Variants in ZNF469 observed in about 807,000 individuals in gnomAD.
ZNF469 encodes the protein zinc finger protein 469.
Under a neutral mutation model 1.0 loss-of-function variants are expected in ZNF469, and 1 was observed. That is an observed-to-expected ratio of 1.00 (90% confidence interval 0.35 to 4.73). ZNF469 has a LOEUF of 4.73. Ranked by LOEUF, ZNF469 falls within the 30% of genes most tolerant of loss-of-function variation. ZNF469 has a pLI of 0.16. For synonymous variants in ZNF469, 2,703 were observed against 2,363.4 expected, an observed-to-expected ratio of 1.14 and a Z score of -4.17; for missense variants, 6,100 against 5,356.3, an observed-to-expected ratio of 1.14 and a Z score of -4.33.
chr16:88,360,532 A>G, the ZNF469 span, among the ~76,000 whole-genome samples: 26 of 79,968 alleles, frequency 3.3e-4, no homozygotes, highest in South Asian at 5.3e-4. Context: ...CAGCGCCTGC[A>G]TGCTCCCTCA....
the ZNF469 span, among the ~76,000 whole-genome samples, chr16:88,189,917 G>A: frequency 7.2e-5 from 11 of 152,206 alleles, no homozygotes; most frequent in African/African-American, 9.6e-5. The surrounding 1 kb of genome is among the most constrained non-coding windows in gnomAD (Gnocchi z 4.3). Context: ...GGACTGTGTC[G>A]GAAAGAAAAG....
At position 88,431,309 on chromosome 16, in the gene ZNF469, C is replaced by T. The variant is rs2142304889; in HGVS notation, c.3839C>T (p.Pro1280Leu). The T allele has an allele frequency of 6.5e-7, 1 of 1,549,978 alleles. No homozygotes were observed. Among genetic ancestry groups the T allele is most frequent in the Non-Finnish European group, 8.7e-7 (1 of 1,146,782 alleles). ...PSRHDTGTPK[P>L]SGSLANTAPH... is the part of the protein sequence containing the mutation. The stretch of plus-strand genomic sequence containing the variant: ...AGACATGACACCGGCACCCCCAAGC[C>T]GTCGGGAAGCCTCGCCAACACGGCG... The change falls in exon 3 of 3, where the codon CCG (proline) becomes CTG (leucine). Residue 1280 changes from proline (P) to leucine (L), a missense_variant. Transcript: ENST00000565624.
At chr16:88,317,578 C>T in the ZNF469 span, among the ~76,000 whole-genome samples, 2 of 152,314 alleles carry the variant, frequency 1.3e-5, no homozygotes, top group East Asian at 1.9e-4. Flanking sequence ...CTCCATCGTG[C>T]TGAGGCTTGG....
the ZNF469 span, among the ~76,000 whole-genome samples, chr16:88,260,151 T>G: frequency 3.3e-5 from 5 of 151,766 alleles, no homozygotes; most frequent in African/African-American, 4.8e-5. This position sits in a 1 kb window ranked among gnomAD's most constrained non-coding sequence, Gnocchi z 4.1. Context: ...CTAGTGTTTT[T>G]TTTTTTTTTT....
At chr16:88,239,701 ATATATATATATATATTTTTTTTTTTTTTT>A in the ZNF469 span, among the ~76,000 whole-genome samples, 367 of 8,654 alleles carry the variant, frequency 0.042, 27 homozygotes, top group Non-Finnish European at 0.051. Context: ...ATATATATAT[ATATATATATATATATTTTTTTTTTTTTTT>A]TTTTTTTTTT....
the ZNF469 span, among the ~76,000 whole-genome samples, chr16:88,105,263 G>C: frequency 5.9e-5 from 9 of 151,446 alleles, no homozygotes; most frequent in Non-Finnish European, 1.3e-4. Flanking sequence ...CACTATAAAG[G>C]CCTCTATAAC....
the ZNF469 span, among the ~76,000 whole-genome samples, chr16:88,200,062 C>G: frequency 6.6e-6 from 1 of 152,146 alleles, no homozygotes; most frequent in Non-Finnish European, 1.5e-5. Context: ...GTCAAACAGG[C>G]GAGGGCTGGG....
the ZNF469 span, among the ~76,000 whole-genome samples, chr16:88,325,484 A>G: frequency 6.6e-6 from 1 of 152,370 alleles, no homozygotes; most frequent in African/African-American, 2.4e-5. Context: ...CGGAGGACAC[A>G]GGTCAGTGAT....
rs1411776696 is a variant in ZNF469 at position 88,429,712 on chromosome 16, G to A, written c.2242G>A (p.Ala748Thr). 5 of 1,542,934 alleles carry A rather than the reference G, an allele frequency of 3.2e-6. No homozygotes were observed. The highest frequency in any genetic ancestry group is 2.7e-5 in the African/African-American group (2 of 72,896). Residue 748 changes from alanine (A) to threonine (T), a missense_variant, in exon 3 of 3, where the codon GCC (alanine) becomes ACC (threonine). By Grantham distance (58) the Ala-to-Thr change is moderately conservative. Coordinates refer to ENST00000565624, the MANE Select transcript of ZNF469 (RefSeq NM_001367624.2). ...RNYSSLAAFL[A>T]HRQFCGLLLA... ...CTACAGCAGCCTGGCGGCCTTCCTGGCCCACCGGCAGTTCTGTGGCCTGCT... is the reference window on the plus strand; with the variant it reads ...CTACAGCAGCCTGGCGGCCTTCCTGACCCACCGGCAGTTCTGTGGCCTGCT...
the ZNF469 span, among the ~76,000 whole-genome samples, chr16:88,323,225 G>A: frequency 9.9e-5 from 15 of 152,136 alleles, no homozygotes; most frequent in South Asian, 6.2e-4. Context: ...GCAGAGCTCC[G>A]AGGAGGGGCC....
intron 1 of ZNF469, among the ~76,000 whole-genome samples, chr16:88,399,274 A>C (rs554797053): frequency 8.5e-5 from 13 of 152,302 alleles, no homozygotes; most frequent in African/African-American, 3.1e-4. Context: ...GACTCATATG[A>C]CATCTGCCGC....
At chr16:88,160,982 TA>T in the ZNF469 span, among the ~76,000 whole-genome samples, 3 of 152,046 alleles carry the variant, frequency 2.0e-5, 1 homozygote, top group South Asian at 6.2e-4. Flanking sequence ...GTCTCTATAT[TA>T]AAAATACAAA....
the ZNF469 span, among the ~76,000 whole-genome samples, chr16:88,139,807 C>T: frequency 6.6e-6 from 1 of 152,200 alleles, no homozygotes; most frequent in Non-Finnish European, 1.5e-5. Context: ...TTCTCGACAC[C>T]TGAGTCTGGT....
chr16:88,263,454 C>T, the ZNF469 span, among the ~76,000 whole-genome samples: 1 of 152,190 alleles, frequency 6.6e-6, no homozygotes, highest in East Asian at 1.9e-4. Context: ...AGAGGTCACC[C>T]AGCAGGGAGA....
At position 88,436,068 on chromosome 16, in the gene ZNF469, C is replaced by G. The variant is rs994143171; in HGVS notation, c.8598C>G (p.Gly2866=). The G allele has an allele frequency of 1.3e-6, 2 of 1,550,028 alleles. No individual in the cohort carries two copies. The highest frequency in any genetic ancestry group is 1.7e-6 in the Non-Finnish European group (2 of 1,147,002). ...CTTTCTCCCAGCTCTTCCCTCCAGGCGGTCGCTTGACTAGAAAGAGGAACC... is the reference window on the plus strand; with the variant it reads ...CTTTCTCCCAGCTCTTCCCTCCAGGGGGTCGCTTGACTAGAAAGAGGAACC... ...EVSFSQLFPP[G]GRLTRKRNPH... is the part of the protein sequence containing the mutation. The change falls in exon 3 of 3, where the codon GGC becomes GGG. Residue 2866 remains glycine (G), a synonymous_variant. Coordinates refer to ENST00000565624, the MANE Select transcript of ZNF469 (RefSeq NM_001367624.2).
At chr16:88,103,955 G>A in the ZNF469 span, among the ~76,000 whole-genome samples, 1 of 152,110 alleles carries the variant, frequency 6.6e-6, no homozygotes, top group African/African-American at 2.4e-5. Context: ...GACGGTCACT[G>A]CATTCGTCAC....
chr16:88,291,322 C>G, the ZNF469 span, among the ~76,000 whole-genome samples: 2 of 152,156 alleles, frequency 1.3e-5, no homozygotes, highest in African/African-American at 4.8e-5. Context: ...CCACTACACA[C>G]ACTTGTTTGA....
Position 88,436,397 on chromosome 16 carries a change from C to T in ZNF469, c.8927C>T (p.Ser2976Phe). 1.3e-6 allele frequency: 2 copies of T among 1,549,880 alleles called. No individual in the cohort carries two copies. The highest frequency in any genetic ancestry group is 1.7e-6 in the Non-Finnish European group (2 of 1,146,938). The part of the protein sequence containing the change: ...SREAGAEKLP[S>F]HCPEDDRPEA... Reference sequence around the variant, plus strand: ...GAAGCTGGTGCAGAGAAGCTGCCCTCCCACTGCCCCGAGGACGATCGGCCG... The same window carrying T: ...GAAGCTGGTGCAGAGAAGCTGCCCTTCCACTGCCCCGAGGACGATCGGCCG... The change falls in exon 3 of 3, where the codon TCC becomes TTC. Residue 2976 changes from serine to phenylalanine, a missense_variant. Coordinates refer to ENST00000565624, the MANE Select transcript of ZNF469 (RefSeq NM_001367624.2).
At position 88,435,109 on chromosome 16, in the gene ZNF469, A is replaced by T. The variant is rs746453038; in HGVS notation, c.7639A>T (p.Ser2547Cys). The T allele has an allele frequency of 1.3e-6, 2 of 1,550,386 alleles. No homozygotes were observed. The highest frequency in any genetic ancestry group is 1.2e-5 in the South Asian group (1 of 84,058). The change falls in exon 3 of 3, where the codon AGC becomes TGC. Residue 2547 changes from serine (S) to cysteine (C), a missense_variant. By Grantham distance (112) the Ser-to-Cys change is moderately radical (BLOSUM62 -1). Transcript: ENST00000565624. ...ERPNHSRGDP[S>C]HVTQPPPAQG... ...ACCAAATCACTCACGGGGAGACCCC[A>T]GCCACGTCACCCAGCCACCGCCTGC...
Sources: gnomAD v4.1 joint callset for allele counts (sites outside exome capture counted in the v4.1 genomes callset) on GRCh38, gnomAD v4.1.1 for gene constraint, Gnocchi (gnomAD v3.1) non-coding constraint, MANE v1.5 for transcripts, NCBI Gene and HGNC (gene_info 2026-07-23, HGNC 2026-07-21) for gene names.